The following VPS13D variants were observed in gnomAD, a reference collection of about 807,000 sequenced individuals.
VPS13D encodes intermembrane lipid transfer protein VPS13D.
In VPS13D, 187 loss-of-function variants were observed where a neutral mutation model predicts 461.9. The observed-to-expected ratio is 0.40, with a 90% CI of 0.36 to 0.46. VPS13D has a LOEUF of 0.46. VPS13D is among the 20% of genes least tolerant of loss of function. The pLI is 0.60. For missense variants in VPS13D, 4,711 were observed against 5,364.9 expected, an observed-to-expected ratio of 0.88 and a Z score of 3.81; for synonymous variants, 1,951 against 1,986.3, an observed-to-expected ratio of 0.98 and a Z score of 0.47.
At chr1:12,329,081 G>A (rs1643264778) in intron 36 of VPS13D, among the ~76,000 whole-genome samples, 1 of 152,078 alleles carries the variant, frequency 6.6e-6, no homozygotes, top group Non-Finnish European at 1.5e-5. Flanking sequence ...TATCTTTTCT[G>A]CAGAGACTAA....
At chr1:12,435,972 C>T (rs1427904490) in intron 65 of VPS13D, among the ~76,000 whole-genome samples, 11 of 152,234 alleles carry the variant, frequency 7.2e-5, no homozygotes, top group South Asian at 2.1e-4. Flanking sequence ...CTCTACACAT[C>T]GAGCTGACTA....
intron 9 of VPS13D, among the ~76,000 whole-genome samples, chr1:12,257,402 TG>T (rs1319406007): frequency 6.6e-6 from 1 of 152,232 alleles, no homozygotes; most frequent in Non-Finnish European, 1.5e-5. Context: ...AAATATTCTT[TG>T]AACCTACTTC....
At position 12,318,061 on chromosome 1, in the gene VPS13D, T is replaced by G. The variant is rs1463789981; in HGVS notation, c.7149-11T>G. The stretch of plus-strand genomic sequence containing the variant: ...TTTTCCTATTTATTTTCTCCTGTCT[T>G]CTTTTTATAGATCTACCAAGGATTC... On this transcript the variant is annotated splice_polypyrimidine_tract_variant and intron_variant, in intron 30 of 69. Coordinates refer to ENST00000620676, the MANE Select transcript of VPS13D (RefSeq NM_015378.4). 3.1e-5 allele frequency: 49 copies of G among 1,595,554 alleles called. No individual in the cohort carries two copies. Among genetic ancestry groups the G allele is most frequent in the Non-Finnish European group, 4.1e-5 (48 of 1,167,706 alleles).
rs946712853 is a variant in VPS13D at position 12,248,048 on chromosome 1, C to G, written c.448-1175C>G. Among the ~76,000 whole-genome samples, 7 of 151,902 alleles carry G rather than the reference C, an allele frequency of 4.6e-5. No homozygotes were observed. In the East Asian group the frequency reaches 7.8e-4, roughly 17 times the overall value. ...GACTACAGGTGCCTGCCACCACGCC[C>G]CGCTAATTTTTTGTGTTTTTAATAG... On this transcript the variant is annotated intron_variant, in intron 5 of 69. Transcript: ENST00000620676.
chr1:12,292,243 CAA>C (rs1042340785), intron 23 of VPS13D, among the ~76,000 whole-genome samples: 1 of 94,384 alleles, frequency 1.1e-5, no homozygotes, highest in Non-Finnish European at 1.9e-5. Context: ...GCCTGGGTGA[CAA>C]GAGCGAAACT....
Position 12,353,991 on chromosome 1 carries a change from A to G in VPS13D, c.9449A>G (p.Lys3150Arg). The stretch of plus-strand genomic sequence containing the variant: ...CTTCATAGGTTTTGTGTGGCTATAA[A>G]GAAAGAGAATTATCCAGATTATATG... Reference protein sequence around the residue: ...SRFFRFCVAIKKENYPDYMPS... With the variant: ...SRFFRFCVAIRKENYPDYMPS... Residue 3150 changes from lysine (K) to arginine (R), a missense_variant, in exon 47 of 70, where the codon AAG (lysine) becomes AGG (arginine). Physicochemically the swap from Lys to Arg is conservative, Grantham distance 26 (BLOSUM62 2). Coordinates refer to ENST00000620676, the MANE Select transcript of VPS13D (RefSeq NM_015378.4). The G allele has an allele frequency of 6.2e-7, 1 of 1,614,050 alleles. No individual in the cohort carries two copies. Among genetic ancestry groups the G allele is most frequent in the South Asian group, 1.1e-5 (1 of 91,072 alleles).
intron 65 of VPS13D, among the ~76,000 whole-genome samples, chr1:12,429,652 G>A (rs187460864): frequency 1.3e-4 from 20 of 152,346 alleles, no homozygotes; most frequent in Non-Finnish European, 8.8e-5. Context: ...GTAAGCTGGT[G>A]AATAGCCAAA....
In VPS13D at chr1:12,263,550, G is replaced by A. The variant is rs140784738; in HGVS notation, c.1594+1470G>A. Among the ~76,000 whole-genome samples the A allele has an allele frequency of 1.1e-3, 164 of 152,300 alleles. 2 individuals are homozygous for A. The East Asian group carries it at 0.019, about 18-fold the overall frequency. ...CTTTTTGTGACTTTGAATTAAAGGT[G>A]TATAAATAAATATGCAGATGTTTTT... is the stretch of plus-strand genomic sequence containing the variant. On this transcript the variant is annotated intron_variant, in intron 13 of 69. Coordinates refer to ENST00000620676, the MANE Select transcript of VPS13D (RefSeq NM_015378.4).
Position 12,378,519 on chromosome 1 carries a change from C to T in VPS13D, c.11009C>T (p.Pro3670Leu). The change falls in exon 56 of 70, where the codon CCC becomes CTC. Residue 3670 changes from proline (P) to leucine (L), a missense_variant. Around this residue, in one of 3 missense-constraint regions of VPS13D, gnomAD observed 4,411 missense variants for 4,937.8 expected, o/e 0.89. Coordinates refer to ENST00000620676, the MANE Select transcript of VPS13D (RefSeq NM_015378.4). ...TCAGTTCCTCACAATCCCAATAAGCCCTCAGCCGCCCGCTCCACCGAGGGG... is the reference window on the plus strand; with the variant it reads ...TCAGTTCCTCACAATCCCAATAAGCTCTCAGCCGCCCGCTCCACCGAGGGG... ...GSSVPHNPNK[P>L]SAARSTEGSA... The T allele has an allele frequency of 2.5e-6, 4 of 1,612,078 alleles. No homozygotes were observed. Among genetic ancestry groups the T allele is most frequent in the South Asian group, 1.1e-5 (1 of 90,800 alleles).
intron 26 of VPS13D, among the ~76,000 whole-genome samples, chr1:12,306,739 T>A (rs1202903773): frequency 6.6e-6 from 1 of 152,184 alleles, no homozygotes; most frequent in Non-Finnish European, 1.5e-5. Context: ...ACCAGTTTCA[T>A]GGAAGACAAT....
intron 32 of VPS13D, among the ~76,000 whole-genome samples, chr1:12,320,109 T>C (rs1421302694): frequency 6.6e-6 from 1 of 152,210 alleles, no homozygotes; most frequent in East Asian, 1.9e-4. Flanking sequence ...GAATACCTGA[T>C]CCATAAAAGG....
intron 53 of VPS13D, among the ~76,000 whole-genome samples, chr1:12,368,817 T>C (rs924320797): frequency 2.2e-4 from 34 of 152,216 alleles, no homozygotes; most frequent in African/African-American, 6.5e-4. Context: ...AAGTAATCTT[T>C]TAGCTCCCAG....
intron 26 of VPS13D, among the ~76,000 whole-genome samples, chr1:12,305,287 C>T (rs1295899931): frequency 6.6e-6 from 1 of 150,454 alleles, no homozygotes; most frequent in Admixed American, 6.6e-5. Flanking sequence ...TTTTTTTTTT[C>T]CCCTCAAGAC....
In VPS13D at chr1:12,283,185, C is replaced by T; in HGVS notation, c.5083C>T (p.Pro1695Ser). The T allele has an allele frequency of 6.2e-7, 1 of 1,614,090 alleles. No individual in the cohort carries two copies. Among genetic ancestry groups the T allele is most frequent in the Non-Finnish European group, 8.5e-7 (1 of 1,180,014 alleles). The part of the protein sequence containing the change: ...YKNLMVSRGA[P>S]KPSSLAQKEY... ...GAACCTGATGGTGTCTCGAGGAGCCCCTAAGCCATCTAGTTTAGCACAAAA... is the reference window on the plus strand; with the variant it reads ...GAACCTGATGGTGTCTCGAGGAGCCTCTAAGCCATCTAGTTTAGCACAAAA... The change falls in exon 21 of 70, where the codon CCT becomes TCT. Residue 1695 changes from proline to serine, a missense_variant. Physicochemically the swap from Pro to Ser is moderately conservative, Grantham distance 74. This residue lies in a region of VPS13D where 4,411 missense variants were observed against 4,937.8 expected (regional missense o/e 0.89). Transcript: ENST00000620676.
At chr1:12,381,922 T>TTTTCTTTC (rs35247625) in intron 57 of VPS13D, among the ~76,000 whole-genome samples, 2,054 of 101,092 alleles carry the variant, frequency 0.02, 57 homozygotes, top group East Asian at 0.05. Context: ...CTTTCTTTTC[T>TTTTCTTTC]TTTCTTTCTT....
chr1:12,316,496 C>G (rs1642890274), intron 30 of VPS13D, among the ~76,000 whole-genome samples: 1 of 152,096 alleles, frequency 6.6e-6, no homozygotes, highest in Non-Finnish European at 1.5e-5. Flanking sequence ...CTCTGACAAT[C>G]TATGTTCAAA....
chr1:12,388,323 C>A (rs1644376327), intron 60 of VPS13D, among the ~76,000 whole-genome samples: 1 of 152,030 alleles, frequency 6.6e-6, no homozygotes, highest in Admixed American at 6.5e-5. Flanking sequence ...GCCTGTAATC[C>A]CAGCACTTTG....
chr1:12,307,108 T>TC (rs1449636030), intron 26 of VPS13D, among the ~76,000 whole-genome samples: 1 of 152,242 alleles, frequency 6.6e-6, no homozygotes, highest in Non-Finnish European at 1.5e-5. Context: ...AATAAAAAAC[T>TC]AATTTTTTCA....
intron 62 of VPS13D, among the ~76,000 whole-genome samples, chr1:12,403,399 C>T (rs773118424): frequency 2.0e-5 from 3 of 152,206 alleles, no homozygotes; most frequent in Non-Finnish European, 4.4e-5. Context: ...CACTCAGATT[C>T]GTGAATTGGT....
Sources: gnomAD v4.1 joint callset for allele counts (sites outside exome capture counted in the v4.1 genomes callset) on GRCh38, gnomAD v4.1.1 for gene constraint, gnomAD v4.1.1 regional missense constraint, MANE v1.5 for transcripts, NCBI Gene and HGNC (gene_info 2026-07-23, HGNC 2026-07-21) for gene names.